Variants in WWOX observed in about 807,000 individuals in gnomAD.
The protein encoded by WWOX is WW domain-containing oxidoreductase.
In WWOX, 69 loss-of-function variants were observed where a neutral mutation model predicts 46.2. The ratio of observed to expected loss-of-function variants is 1.49; its 90% CI spans 1.23 to 1.82. WWOX has a LOEUF of 1.82. Ranked by LOEUF, WWOX falls within the 40% of genes most tolerant of loss-of-function variation. WWOX has a pLI of 0.00. For missense variants in WWOX, 919 were observed against 542.6 expected (o/e 1.69, Z -6.89); for synonymous variants, 359 against 202.6 (o/e 1.77, Z -6.56).
At chr16:79,175,603 CTCCTGACCT>C (rs918285369) in intron 8 of WWOX, among the ~76,000 whole-genome samples, 47 of 152,302 alleles carry the variant, frequency 3.1e-4, no homozygotes, top group African/African-American at 1.0e-3. Flanking sequence ...GTTCATAGGG[CTCCTGACCT>C]TCCATGGACT....
chr16:78,505,386 C>G (rs2085169430), intron 8 of WWOX, among the ~76,000 whole-genome samples: 1 of 152,180 alleles, frequency 6.6e-6, no homozygotes, highest in South Asian at 2.1e-4. Context: ...CCACCAGGCC[C>G]TCTGAGTGGG....
chr16:78,926,513 T>C lies in WWOX; in HGVS notation c.1057-285095T>C, dbSNP rs528991098. On this transcript the variant is annotated intron_variant, in intron 8 of 8. Coordinates refer to ENST00000566780, the MANE Select transcript of WWOX (RefSeq NM_016373.4). ...TCCTTGTCTTTGAGGAGGAGCAGGA[T>C]GGCGAAGTCGCAGCCATTTAAAAAC... Among the ~76,000 whole-genome samples, 3 of 152,372 alleles carry C rather than the reference T, an allele frequency of 2.0e-5. No homozygotes were observed. In the East Asian group the frequency reaches 5.8e-4, roughly 29 times the overall value.
At chr16:78,539,010 C>G (rs778507252) in intron 8 of WWOX, among the ~76,000 whole-genome samples, 13 of 152,168 alleles carry the variant, frequency 8.5e-5, no homozygotes, top group African/African-American at 1.4e-4. Context: ...GGAAAGAAGT[C>G]TTGGTAAGGA....
chr16:78,825,175 G>C (rs979706347), intron 8 of WWOX: 5 of 157,016 alleles, frequency 3.2e-5, no homozygotes, highest in African/African-American at 1.2e-4. Flanking sequence ...CTCCCACCCA[G>C]GTGTGTTCCA....
At chr16:78,255,229 G>C (rs879128564) in intron 5 of WWOX, among the ~76,000 whole-genome samples, 1 of 152,162 alleles carries the variant, frequency 6.6e-6, no homozygotes, top group Admixed American at 6.5e-5. Context: ...CTTCTAGTCA[G>C]TTTCTGGCAC....
chr16:78,663,014 G>A (rs1444074038), intron 8 of WWOX, among the ~76,000 whole-genome samples: 1 of 152,148 alleles, frequency 6.6e-6, no homozygotes, highest in African/African-American at 2.4e-5. Flanking sequence ...AGATTATTCA[G>A]TACTGCAATA....
At chr16:78,185,811 C>T (rs1473562603) in intron 5 of WWOX, among the ~76,000 whole-genome samples, 1 of 151,542 alleles carries the variant, frequency 6.6e-6, no homozygotes, top group Non-Finnish European at 1.5e-5. Flanking sequence ...GGATTACAGG[C>T]ACCCACCATC....
At chr16:78,128,285 A>AT (rs2151692868) in intron 4 of WWOX, among the ~76,000 whole-genome samples, 1 of 152,290 alleles carries the variant, frequency 6.6e-6, no homozygotes, top group East Asian at 1.9e-4. Context: ...ACAGGGTTGC[A>AT]TGTCATGCAA....
intron 5 of WWOX, among the ~76,000 whole-genome samples, chr16:78,309,608 G>A (rs1485879907): frequency 6.6e-6 from 1 of 152,132 alleles, no homozygotes; most frequent in Non-Finnish European, 1.5e-5. Context: ...GCCACCTTGG[G>A]CACACGTTCC....
chr16:79,179,778 C>G (rs938271458), intron 8 of WWOX, among the ~76,000 whole-genome samples: 5 of 152,204 alleles, frequency 3.3e-5, no homozygotes, highest in East Asian at 1.9e-4. Flanking sequence ...CCTTGAATCC[C>G]TTAACTCCTT....
intron 8 of WWOX, among the ~76,000 whole-genome samples, chr16:78,948,820 T>G (rs1440983704): frequency 6.6e-6 from 1 of 152,074 alleles, no homozygotes; most frequent in Non-Finnish European, 1.5e-5. Context: ...CAGCTGACTT[T>G]AGAATAGGAA....
chr16:78,983,740 G>A (rs1422466149), intron 8 of WWOX, among the ~76,000 whole-genome samples: 1 of 152,192 alleles, frequency 6.6e-6, no homozygotes, highest in Non-Finnish European at 1.5e-5. Flanking sequence ...CATTTCAGGA[G>A]TGAGAGATAA....
intron 8 of WWOX, among the ~76,000 whole-genome samples, chr16:78,508,581 C>A (rs2085276158): frequency 1.3e-5 from 2 of 152,134 alleles, no homozygotes; most frequent in African/African-American, 4.8e-5. Flanking sequence ...TTTCTCAAAC[C>A]AGGTTTTGCC....
chr16:78,845,454 C>G (rs1178711726), intron 8 of WWOX, among the ~76,000 whole-genome samples: 2 of 152,132 alleles, frequency 1.3e-5, no homozygotes, highest in Non-Finnish European at 2.9e-5. Context: ...TCAAATATGT[C>G]CTTATGGCCA....
Position 79,165,202 on chromosome 16 carries a change from A to C in WWOX, c.1057-46406A>C, listed in dbSNP as rs545141574. Among the ~76,000 whole-genome samples, 11 of 152,030 alleles carry C rather than the reference A, an allele frequency of 7.2e-5. No individual in the cohort carries two copies. In the East Asian group the frequency reaches 1.7e-3, roughly 24 times the overall value. The stretch of plus-strand genomic sequence containing the variant: ...CTCCCTGGACATGAACTTTTGTAGA[A>C]GTAGTTACAATGCTAGTGACCTCAT... On this transcript the variant is annotated intron_variant, in intron 8 of 8. Transcript: ENST00000566780.
At position 79,012,413 on chromosome 16, in the gene WWOX, A is replaced by G. The variant is rs982290337; in HGVS notation, c.1057-199195A>G. ...ACGCCCAGCTAATTTTTGCATTTTT[A>G]GTAGAGATGGGGTTTCACCACATTG... On this transcript the variant is annotated intron_variant, in intron 8 of 8. Coordinates refer to ENST00000566780, the MANE Select transcript of WWOX (RefSeq NM_016373.4). Among the ~76,000 whole-genome samples the G allele has an allele frequency of 1.4e-4, 21 of 152,086 alleles. 1 individual carries two copies. Among genetic ancestry groups the G allele is most frequent in the Admixed American group, 1.2e-3 (18 of 15,264 alleles).
chr16:79,109,766 C>T (rs899420882), intron 8 of WWOX, among the ~76,000 whole-genome samples: 2 of 152,162 alleles, frequency 1.3e-5, no homozygotes, highest in African/African-American at 4.8e-5. Context: ...TGAGCGTTCG[C>T]ATCAGATAAC....
chr16:78,626,856 T>C (rs2046322471), intron 8 of WWOX, among the ~76,000 whole-genome samples: 1 of 152,236 alleles, frequency 6.6e-6, no homozygotes, highest in Non-Finnish European at 1.5e-5. Flanking sequence ...CTTTATGTTA[T>C]AATCCTATAC....
chr16:78,621,617 T>TTTTTTTTTTTTTTTTTTTTTTTTG (rs2046188156), intron 8 of WWOX, among the ~76,000 whole-genome samples: 1 of 119,976 alleles, frequency 8.3e-6, no homozygotes, highest in Non-Finnish European at 1.7e-5. Context: ...TTTTTTTTTT[T>TTTTTTTTTTTTTTTTTTTTTTTTG]TTTTTGAGAC....
Sources: allele counts gnomAD v4.1 joint callset (sites outside exome capture counted in the v4.1 genomes callset), GRCh38; gene constraint gnomAD v4.1.1; transcripts MANE v1.5; gene names NCBI Gene and HGNC (gene_info 2026-07-23, HGNC 2026-07-21).